The following C12orf42 variants were observed in gnomAD, a reference collection of about 807,000 sequenced individuals.
C12orf42 encodes the protein chromosome 12 open reading frame 42.
A neutral mutation model predicts 21.6 loss-of-function variants in C12orf42; 25 were observed. That is an observed-to-expected ratio of 1.16 (90% CI 0.84 to 1.62). The LOEUF is 1.62. Ranked by LOEUF, C12orf42 falls within the 40% of genes most tolerant of loss-of-function variation. The pLI, the probability that C12orf42 is intolerant of heterozygous loss-of-function variation, is 0.00. For missense variants in C12orf42, 483 were observed against 459.3 expected (o/e 1.05, Z -0.47); for synonymous variants, 174 against 175.0 (o/e 0.99, Z 0.05).
At chr12:103,536,848 C>T in the C12orf42 span, among the ~76,000 whole-genome samples, 1 of 152,184 alleles carries the variant, frequency 6.6e-6, no homozygotes, top group Non-Finnish European at 1.5e-5. Flanking sequence ...CCTTACCGCC[C>T]TTAAAATTCC....
At chr12:103,064,979 C>G in the C12orf42 span, among the ~76,000 whole-genome samples, 1 of 152,196 alleles carries the variant, frequency 6.6e-6, no homozygotes, top group African/African-American at 2.4e-5. Flanking sequence ...CACAGACATT[C>G]TTAGCAGCTG....
At chr12:103,429,468 G>T (rs982148985) in intron 2 of C12orf42, among the ~76,000 whole-genome samples, 2 of 152,138 alleles carry the variant, frequency 1.3e-5, no homozygotes, top group Non-Finnish European at 2.9e-5. Flanking sequence ...GGAAATAAGA[G>T]AAGACACAAA....
Position 103,286,801 on chromosome 12 carries a change from G to A in C12orf42, n.338-9591C>T, listed in dbSNP as rs960296884. ...CTAGGAATTAGCAAAAAGAAAGGATGGTCATGAATAATTGAAAGCACTCTA... is the reference window on the plus strand; with the variant it reads ...CTAGGAATTAGCAAAAAGAAAGGATAGTCATGAATAATTGAAAGCACTCTA... On this transcript the variant is annotated intron_variant and non_coding_transcript_variant, in intron 4 of 6. Coordinates refer to the C12orf42 transcript ENST00000546526. Among the ~76,000 whole-genome samples, 5 of 152,098 alleles carry A rather than the reference G, an allele frequency of 3.3e-5. No homozygotes were observed. The South Asian group carries it at 1.0e-3, about 31-fold the overall frequency.
At chr12:103,508,471 A>G in the C12orf42 span, among the ~76,000 whole-genome samples, 1 of 152,280 alleles carries the variant, frequency 6.6e-6, no homozygotes, top group East Asian at 1.9e-4. Flanking sequence ...AAAAAGTCCC[A>G]AGCCAAATTT....
At chr12:103,449,159 TA>T (rs1227652003) in intron 2 of C12orf42, among the ~76,000 whole-genome samples, 36 of 151,436 alleles carry the variant, frequency 2.4e-4, no homozygotes, top group African/African-American at 8.2e-4. Flanking sequence ...TACGCAACCA[TA>T]AAAAGGAAAA....
At chr12:103,376,791 G>A (rs564703078) in intron 3 of C12orf42, among the ~76,000 whole-genome samples, 7 of 152,010 alleles carry the variant, frequency 4.6e-5, no homozygotes, top group African/African-American at 9.6e-5. Flanking sequence ...CTGGGCACTC[G>A]AGCAAGCCAT....
chr12:103,494,030 T>C (rs1955352793), intron 1 of C12orf42, among the ~76,000 whole-genome samples: 1 of 152,306 alleles, frequency 6.6e-6, no homozygotes, highest in Admixed American at 6.5e-5. Flanking sequence ...AAAAAGTCAT[T>C]ATGAGCCCCT....
At chr12:103,242,816 C>T (rs922505580) in intron 10 of C12orf42, among the ~76,000 whole-genome samples, 3 of 152,068 alleles carry the variant, frequency 2.0e-5, no homozygotes, top group African/African-American at 4.8e-5. Context: ...TAGTAATTCA[C>T]TTTATAAAAA....
chr12:103,164,233 C>T, the C12orf42 span, among the ~76,000 whole-genome samples: 1 of 152,202 alleles, frequency 6.6e-6, no homozygotes, highest in Non-Finnish European at 1.5e-5. Context: ...AACAACAACC[C>T]TATTCGTATC....
intron 5 of C12orf42, among the ~76,000 whole-genome samples, chr12:103,305,557 C>G (rs1730950956): frequency 6.6e-6 from 1 of 152,148 alleles, no homozygotes; most frequent in South Asian, 2.1e-4. Flanking sequence ...ATCATTCCTC[C>G]TATATCCTGT....
the C12orf42 span, among the ~76,000 whole-genome samples, chr12:103,124,155 C>CT: frequency 0.014 from 1,078 of 75,952 alleles, 112 homozygotes; most frequent in East Asian, 0.023. Context: ...CAAACATAAG[C>CT]TTTTTTTTTT....
chr12:103,221,086 G>A, the C12orf42 span, among the ~76,000 whole-genome samples: 69 of 152,284 alleles, frequency 4.5e-4, no homozygotes, highest in South Asian at 1.0e-3. Context: ...AATGTCAAAC[G>A]ATTCAGGAAA....
At chr12:103,225,171 T>A in the C12orf42 span, among the ~76,000 whole-genome samples, 1 of 151,988 alleles carries the variant, frequency 6.6e-6, no homozygotes, top group Non-Finnish European at 1.5e-5. Flanking sequence ...AGATCAAGCA[T>A]GGAATAGTGA....
At chr12:103,343,773 A>C (rs1237498372) in intron 4 of C12orf42, among the ~76,000 whole-genome samples, 2 of 145,612 alleles carry the variant, frequency 1.4e-5, no homozygotes, top group African/African-American at 5.1e-5. Flanking sequence ...AAACTCTGTC[A>C]CAAAAAAAAA....
the C12orf42 span, among the ~76,000 whole-genome samples, chr12:103,074,066 T>G: frequency 6.6e-6 from 1 of 152,100 alleles, no homozygotes. Context: ...GCAAGTAGAA[T>G]GGAGATAAAT....
chr12:103,475,594 A>T (rs973967242), intron 2 of C12orf42, among the ~76,000 whole-genome samples: 1 of 152,238 alleles, frequency 6.6e-6, no homozygotes, highest in Admixed American at 6.5e-5. Context: ...ATTGCAGCAT[A>T]GAACTGTCTG....
At chr12:103,222,752 AAG>A in the C12orf42 span, among the ~76,000 whole-genome samples, 1 of 151,890 alleles carries the variant, frequency 6.6e-6, no homozygotes, top group African/African-American at 2.4e-5. Flanking sequence ...TTTTTTCTAT[AAG>A]AGCAATTTCT....
intron 2 of C12orf42, among the ~76,000 whole-genome samples, chr12:103,425,085 C>G (rs543142839): frequency 6.6e-6 from 1 of 152,182 alleles, no homozygotes; most frequent in African/African-American, 2.4e-5. Flanking sequence ...AGGAACTGGA[C>G]GGAGTCCACC....
At chr12:103,241,421 T>A (rs1031036484) in intron 10 of C12orf42, among the ~76,000 whole-genome samples, 1 of 152,176 alleles carries the variant, frequency 6.6e-6, no homozygotes, top group Non-Finnish European at 1.5e-5. Context: ...GTCCGGTGGC[T>A]GCACCTGCCA....
Sources: gnomAD v4.1 joint callset for allele counts (sites outside exome capture counted in the v4.1 genomes callset) on GRCh38, gnomAD v4.1.1 for gene constraint, MANE v1.5 for transcripts, NCBI Gene and HGNC (gene_info 2026-07-23, HGNC 2026-07-21) for gene names.